The following SYNE2 variants were observed in gnomAD, a reference collection of about 807,000 sequenced individuals.
The protein encoded by SYNE2 is spectrin repeat containing nuclear envelope protein 2, also known as nesprin-2.
A neutral mutation model predicts 856.3 loss-of-function variants in SYNE2; 431 were observed. The observed-to-expected ratio is 0.50, with a 90% CI of 0.47 to 0.55. The LOEUF (loss-of-function observed/expected upper bound fraction) is 0.55, where lower values mean the gene tolerates loss of function less well. SYNE2 is among the 20% of genes least tolerant of loss of function. The pLI, the probability that SYNE2 is intolerant of heterozygous loss-of-function variation, is 0.00. For synonymous variants in SYNE2, 2,923 were observed against 2,872.3 expected (o/e 1.02, Z -0.56); for missense variants, 8,129 against 8,023.2 (o/e 1.01, Z -0.50).
intron 1 of SYNE2, among the ~76,000 whole-genome samples, chr14:63,802,641 C>T (rs1186140433): frequency 6.6e-6 from 1 of 152,220 alleles, no homozygotes; most frequent in Admixed American, 6.5e-5. Context: ...CTTGGTCTCA[C>T]TGACTTCAAG....
intron 34 of SYNE2, among the ~76,000 whole-genome samples, 185 bp downstream of exon 34, chr14:64,017,941 G>A (rs2096906158): frequency 6.6e-6 from 1 of 152,100 alleles, no homozygotes. Flanking sequence ...TGAAAGTATG[G>A]GATTTAGTAA....
chr14:64,024,187 G>C lies in SYNE2; in HGVS notation c.5638-70G>C, dbSNP rs1051816009. 1.2e-4 allele frequency: 161 copies of C among 1,391,554 alleles called. No homozygotes were observed. In the Middle Eastern group the frequency reaches 2.2e-3, roughly 19 times the overall value. The allele number at this position is 1,391,554 out of a possible 1,614,324, so 86.2% of individuals were successfully genotyped here. On this transcript the variant is annotated intron_variant, in intron 38 of 115. Transcript: ENST00000555002. ...TGTCTGTGTACTGGTTTGGAAAAGT[G>C]TCGTGAGGGTGGCAGAGACCACATT...
intron 49 of SYNE2, among the ~76,000 whole-genome samples, chr14:64,059,370 A>G (rs562543563): frequency 2.0e-5 from 3 of 152,346 alleles, no homozygotes; most frequent in South Asian, 2.1e-4. Flanking sequence ...CGCGGTAGTC[A>G]TATCTGCTTA....
intron 21 of SYNE2, 132 bp downstream of exon 21, chr14:63,991,247 A>G (rs928603840): frequency 7.3e-5 from 70 of 955,602 alleles, no homozygotes; most frequent in Non-Finnish European, 1.1e-4. Flanking sequence ...CCAGTATTCT[A>G]TATTGTTCCC....
intron 106 of SYNE2, 169 bp downstream of exon 106, chr14:64,214,639 G>A: frequency 1.5e-6 from 1 of 660,754 alleles, no homozygotes. Flanking sequence ...CCTGAGAATT[G>A]GCTCACTCTC....
At position 63,814,489 on chromosome 14, in the gene SYNE2, A is replaced by G. The variant is rs1041133300; in HGVS notation, c.-304-38012A>G. ...TATCATATATAATATATATCCTTATATATATCCATATATATAATATATATA... is the reference window on the plus strand; with the variant it reads ...TATCATATATAATATATATCCTTATGTATATCCATATATATAATATATATA... On this transcript the variant is annotated intron_variant, in intron 1 of 23. Coordinates refer to the SYNE2 transcript ENST00000674003. Among the ~76,000 whole-genome samples the G allele has an allele frequency of 2.3e-4, 33 of 142,766 alleles. 1 individual carries two copies. Among genetic ancestry groups the G allele is most frequent in the African/African-American group, 8.2e-4 (32 of 39,008 alleles). The allele number at this position is 142,766 out of a possible 152,430, so 93.7% of individuals were successfully genotyped here. A position where few individuals can be genotyped will look rare whatever the true frequency, so the allele number is the denominator to read the frequency against.
chr14:64,214,217 C>T lies in SYNE2; in HGVS notation c.19080C>T (p.Ala6360=), dbSNP rs1318174477. 4 of 1,614,092 alleles carry T rather than the reference C, an allele frequency of 2.5e-6. No individual in the cohort carries two copies. Among genetic ancestry groups the T allele is most frequent in the Admixed American group, 1.7e-5 (1 of 60,004 alleles). Residue 6360 remains alanine (A), a synonymous_variant, in exon 106 of 116, where the codon GCC becomes GCT. Coordinates refer to ENST00000555002, the MANE Select transcript of SYNE2 (RefSeq NM_182914.3). ...AGGGCTTGGAAGATGAAAAGGAGGC[C>T]TCTGAGAATGAAACAGACATGGAAG... is the stretch of plus-strand genomic sequence containing the variant. ...CTPGLEDEKE[A]SENETDMEDP...
chr14:64,081,008 C>T (rs2097518201), intron 56 of SYNE2, among the ~76,000 whole-genome samples: 1 of 152,054 alleles, frequency 6.6e-6, no homozygotes, highest in African/African-American at 2.4e-5. Flanking sequence ...GAAAAGATAC[C>T]CTCTCTACCC....
At chr14:64,038,578 G>A (rs562079263) in intron 45 of SYNE2, among the ~76,000 whole-genome samples, 4 of 152,364 alleles carry the variant, frequency 2.6e-5, no homozygotes, top group Non-Finnish European at 4.4e-5. Context: ...ACTAGACTCC[G>A]TCTGCAATCC....
chr14:64,043,926 C>T (rs762193616), intron 45 of SYNE2, among the ~76,000 whole-genome samples: 7 of 152,218 alleles, frequency 4.6e-5, no homozygotes, highest in African/African-American at 9.6e-5. Context: ...GGCACAGTCA[C>T]AGCTCACTGT....
intron 1 of SYNE2, among the ~76,000 whole-genome samples, chr14:63,855,317 T>G (rs575699259): frequency 6.6e-6 from 1 of 152,342 alleles, no homozygotes; most frequent in South Asian, 2.1e-4. Context: ...CACATCATTC[T>G]TCTGTTCAAA....
chr14:63,809,986 G>T (rs1411448212), intron 1 of SYNE2, among the ~76,000 whole-genome samples: 1 of 152,142 alleles, frequency 6.6e-6, no homozygotes, highest in Non-Finnish European at 1.5e-5. Context: ...ACTTTGGGAG[G>T]CCAAGGCAGG....
intron 2 of SYNE2, among the ~76,000 whole-genome samples, chr14:63,926,750 G>T (rs2095670987): frequency 6.6e-6 from 1 of 152,114 alleles, no homozygotes; most frequent in African/African-American, 2.4e-5. Context: ...GAGATAAGGG[G>T]GTCCCACACA....
In SYNE2 at chr14:64,053,037, G is replaced by C. The variant is rs1364501437; in HGVS notation, c.9124G>C (p.Glu3042Gln). Residue 3042 changes from glutamate (E) to glutamine (Q), a missense_variant, in exon 48 of 116, where the codon GAG becomes CAG. Coordinates refer to ENST00000555002, the MANE Select transcript of SYNE2 (RefSeq NM_182914.3). ...AAAAATTAAGCAGTTGGACACATTT[G>C]AGGAAGAACATGGCAAATATCAGGC... is the stretch of plus-strand genomic sequence containing the variant. ...EEKIKQLDTF[E>Q]EEHGKYQALL... 51 of 1,613,830 alleles carry C rather than the reference G, an allele frequency of 3.2e-5. No homozygotes were observed. The highest frequency in any genetic ancestry group is 4.2e-5 in the Non-Finnish European group (50 of 1,180,000).
At chr14:63,868,208 A>T (rs1371325518) in intron 1 of SYNE2, among the ~76,000 whole-genome samples, 1 of 152,224 alleles carries the variant, frequency 6.6e-6, no homozygotes, top group Non-Finnish European at 1.5e-5. Flanking sequence ...AAGGTGACCT[A>T]ACAGCATTTA....
At position 64,225,401 on chromosome 14, in the gene SYNE2, C is replaced by CT; in HGVS notation, c.20600dup (p.Leu6868AlafsTer54). The CT allele has an allele frequency of 6.2e-7, 1 of 1,614,074 alleles. No homozygotes were observed. On this transcript the variant is annotated frameshift_variant, in exon 116 of 116. Coordinates refer to ENST00000555002, the MANE Select transcript of SYNE2 (RefSeq NM_182914.3). LOFTEE classifies it high-confidence loss of function. ...CCTACCCCTGCAGCTGCTCCTCCTG[C>CT]TGCTGCTGCTCCTGGCCTGCCTGCT...
chr14:63,852,030 T>G (rs1890565112), upstream of SYNE2, among the ~76,000 whole-genome samples: 7 of 70,138 alleles, frequency 1.0e-4, no homozygotes, highest in Non-Finnish European at 1.4e-4. Flanking sequence ...GGGTTGAGGC[T>G]GGAGGATATC....
At chr14:63,827,390 C>G (rs1345822711) in intron 1 of SYNE2, among the ~76,000 whole-genome samples, 2 of 150,616 alleles carry the variant, frequency 1.3e-5, no homozygotes, top group Non-Finnish European at 3.0e-5. Context: ...TTTGGGAGAC[C>G]GAGGCAGGTG....
At chr14:64,170,572 C>G (rs2098405852) in intron 94 of SYNE2, 110 bp downstream of exon 94, 2 of 1,157,600 alleles carry the variant, frequency 1.7e-6, no homozygotes, top group African/African-American at 1.5e-5. Flanking sequence ...CAAGTGGGCT[C>G]TCTGCAGTGT....
Sources: gnomAD v4.1 joint callset for allele counts (sites outside exome capture counted in the v4.1 genomes callset) on GRCh38, gnomAD v4.1.1 for gene constraint, MANE v1.5 for transcripts, NCBI Gene and HGNC (gene_info 2026-07-23, HGNC 2026-07-21) for gene names.